Variants in AGO2 observed in about 807,000 individuals in gnomAD.
AGO2 encodes the protein protein argonaute-2.
AGO2 carries 5 observed loss-of-function variants against 102.3 expected under a neutral mutation model. The observed-to-expected ratio is 0.05, with a 90% CI of 0.03 to 0.10. The LOEUF (loss-of-function observed/expected upper bound fraction) is 0.10. Ranked by LOEUF, AGO2 falls within the 10% of genes least tolerant of loss-of-function variation. The pLI, the probability that AGO2 is intolerant of heterozygous loss-of-function variation, is 1.00. For missense variants in AGO2, 541 were observed against 1,183.7 expected (o/e 0.46, Z 7.97); for synonymous variants, 449 against 473.1 (o/e 0.95, Z 0.66).
intron 1 of AGO2, among the ~76,000 whole-genome samples, chr8:140,613,083 C>T (rs1038531956): frequency 5.3e-5 from 8 of 152,032 alleles, no homozygotes; most frequent in Non-Finnish European, 1.0e-4. Context: ...GCCCGTAGTC[C>T]CAGCTACTCG....
At chr8:140,609,282 G>A (rs1018104432) in intron 1 of AGO2, among the ~76,000 whole-genome samples, 11 of 152,366 alleles carry the variant, frequency 7.2e-5, no homozygotes, top group African/African-American at 1.7e-4. Context: ...GAATTTCCAC[G>A]AGCAGAAACG....
intron 8 of AGO2, among the ~76,000 whole-genome samples, chr8:140,556,729 C>T (rs980340488): frequency 1.3e-5 from 2 of 152,140 alleles, no homozygotes; most frequent in Admixed American, 1.3e-4. Context: ...GGCTCAGGGT[C>T]GGAATTTGAT....
At position 140,556,278 on chromosome 8, in the gene AGO2, G is replaced by A; in HGVS notation, c.1035C>T (p.Asn345=). The change falls in exon 9 of 19, where the codon AAC becomes AAT. Residue 345 remains asparagine (N), a synonymous_variant. Coordinates refer to ENST00000220592, the MANE Select transcript of AGO2 (RefSeq NM_012154.5). ...KHTYLPLEVC[N]IVAGQRCIKK... Reference sequence around the variant, plus strand: ...TAATACATCTTTGTCCTGCCACAATGTTACAGACCTGTGAAGAGGACGTAG... The same window carrying A: ...TAATACATCTTTGTCCTGCCACAATATTACAGACCTGTGAAGAGGACGTAG... 6.2e-7 allele frequency: 1 copy of A among 1,614,202 alleles called. No homozygotes were observed. Among genetic ancestry groups the A allele is most frequent in the Non-Finnish European group, 8.5e-7 (1 of 1,180,042 alleles).
At chr8:140,611,953 G>A (rs1033825352) in intron 1 of AGO2, among the ~76,000 whole-genome samples, 3 of 152,222 alleles carry the variant, frequency 2.0e-5, no homozygotes, top group South Asian at 4.1e-4. Context: ...GACCGGGCGC[G>A]GTGGCTCACG....
intron 13 of AGO2, 72 bp from the exon 14 acceptor site, chr8:140,544,375 T>C: frequency 5.4e-6 from 7 of 1,306,678 alleles, no homozygotes; most frequent in Middle Eastern, 1.8e-4. Flanking sequence ...GGTGCCACCA[T>C]CACCTTTTGG....
chr8:140,545,095 C>T (rs912418544), intron 13 of AGO2, among the ~76,000 whole-genome samples: 2 of 152,176 alleles, frequency 1.3e-5, no homozygotes, highest in African/African-American at 4.8e-5. Flanking sequence ...ATGAGGCCCT[C>T]GCCTCTGCTG....
chr8:140,534,778 C>T (rs188124600), intron 17 of AGO2, among the ~76,000 whole-genome samples: 7 of 152,326 alleles, frequency 4.6e-5, no homozygotes, highest in Admixed American at 1.3e-4. Context: ...ATCAAGCTCT[C>T]TGCAGGCAGG....
intron 1 of AGO2, among the ~76,000 whole-genome samples, chr8:140,630,927 G>C (rs2074333446): frequency 6.6e-6 from 1 of 152,174 alleles, no homozygotes; most frequent in African/African-American, 2.4e-5. Context: ...GGTGGCACAT[G>C]TCTGCAGTCT....
chr8:140,598,537 G>A (rs867005610), intron 1 of AGO2, among the ~76,000 whole-genome samples: 12 of 152,186 alleles, frequency 7.9e-5, no homozygotes, highest in East Asian at 1.9e-4. Context: ...CCACGGTGCC[G>A]TAGGATCACC....
chr8:140,573,134 C>A (rs1003092221), intron 2 of AGO2, among the ~76,000 whole-genome samples: 1 of 151,586 alleles, frequency 6.6e-6, no homozygotes, highest in East Asian at 1.9e-4. Context: ...CTTAACCTCA[C>A]AAGTAGCTGG....
chr8:140,597,473 C>CG (rs766502848), intron 1 of AGO2, among the ~76,000 whole-genome samples: 3 of 29,026 alleles, frequency 1.0e-4, no homozygotes, highest in South Asian at 1.3e-3. Context: ...GTGGCCCCCC[C>CG]ACCCCCCCCC....
At chr8:140,607,442 A>G (rs2074011938) in intron 1 of AGO2, among the ~76,000 whole-genome samples, 4 of 132,924 alleles carry the variant, frequency 3.0e-5, no homozygotes, top group African/African-American at 1.1e-4. Flanking sequence ...TCTCACCCCC[A>G]CCTCTTAAAG....
chr8:140,606,982 G>C (rs1313277492), intron 1 of AGO2, among the ~76,000 whole-genome samples: 1 of 151,254 alleles, frequency 6.6e-6, no homozygotes, highest in Non-Finnish European at 1.5e-5. Flanking sequence ...AGGCATGGTG[G>C]CTCACGCCTG....
chr8:140,599,820 C>G (rs1386864442), intron 1 of AGO2, among the ~76,000 whole-genome samples: 2 of 152,212 alleles, frequency 1.3e-5, no homozygotes, highest in Non-Finnish European at 2.9e-5. Context: ...CTTCCGGGTT[C>G]AAGCGATCCT....
At chr8:140,629,464 CTG>C (rs1418948194) in intron 1 of AGO2, among the ~76,000 whole-genome samples, 11 of 152,194 alleles carry the variant, frequency 7.2e-5, no homozygotes. Flanking sequence ...GGCGAGAAAA[CTG>C]AGACCACACG....
rs2072561820 is a variant in AGO2 at position 140,529,969 on chromosome 8, A to G, written c.*2075T>C. 2 of 152,228 alleles carry G rather than the reference A, an allele frequency of 1.3e-5. No individual in the cohort carries two copies. Among genetic ancestry groups the G allele is most frequent in the Non-Finnish European group, 1.5e-5 (1 of 68,048 alleles). 9.4% of individuals were successfully genotyped at this position (152,228 alleles called of 1,614,324 possible). The stretch of plus-strand genomic sequence containing the variant: ...TTCCCTCCTTAGCTTGAATGCATCC[A>G]TTAATTTAAGCTACGAGCATGTCTG... On this transcript the variant is annotated 3_prime_UTR_variant, in exon 19 of 19. Coordinates refer to ENST00000220592, the MANE Select transcript of AGO2 (RefSeq NM_012154.5).
intron 7 of AGO2, 46 bp downstream of exon 7, chr8:140,558,439 C>T: frequency 6.3e-7 from 1 of 1,595,078 alleles, no homozygotes; most frequent in African/African-American, 1.3e-5. Context: ...GTCGGAGTGA[C>T]AGTGGGGGCC....
At chr8:140,563,019 GC>G (rs2073227781) in intron 3 of AGO2, among the ~76,000 whole-genome samples, 1 of 152,070 alleles carries the variant, frequency 6.6e-6, no homozygotes, top group African/African-American at 2.4e-5. Flanking sequence ...TCACCTGCAA[GC>G]CCCACTCCGC....
At position 140,613,851 on chromosome 8, in the gene AGO2, A is replaced by C. The variant is rs575670262; in HGVS notation, c.22+21634T>G. 1.2e-3 allele frequency among the ~76,000 whole-genome samples: 144 copies of C among 119,262 alleles called. 2 individuals carry two copies. The Middle Eastern group carries it at 0.039, about 32-fold the overall frequency. 78.2% of individuals were successfully genotyped at this position (119,262 alleles called of 152,430 possible). A position where few individuals can be genotyped will look rare whatever the true frequency, so the allele number is the denominator to read the frequency against. ...GGCAACACAGAGAGACCTCGTCTCC[A>C]CAACAAAAATTTTTAAAGTAGCCGG... is the stretch of plus-strand genomic sequence containing the variant. On this transcript the variant is annotated intron_variant, in intron 1 of 18. Coordinates refer to ENST00000220592, the MANE Select transcript of AGO2 (RefSeq NM_012154.5).
Sources: allele counts gnomAD v4.1 joint callset (sites outside exome capture counted in the v4.1 genomes callset), GRCh38; gene constraint gnomAD v4.1.1; transcripts MANE v1.5; gene names NCBI Gene and HGNC (gene_info 2026-07-23, HGNC 2026-07-21).